Variants in ACACA observed in about 807,000 individuals in gnomAD.
The protein encoded by ACACA is acetyl-CoA carboxylase 1.
In ACACA, 103 loss-of-function variants were observed where a neutral mutation model predicts 296.1. That is an observed-to-expected ratio of 0.35 (90% confidence interval 0.30 to 0.41). The LOEUF is 0.41. Among genes scored for constraint, ACACA ranks in the 10% least tolerant of loss-of-function variants. ACACA has a pLI of 1.00. For synonymous variants in ACACA, 953 were observed against 1,038.6 expected, an observed-to-expected ratio of 0.92 and a Z score of 1.58; for missense variants, 1,554 against 2,989.7, an observed-to-expected ratio of 0.52 and a Z score of 11.20.
At chr17:37,313,860 C>A (rs1033320666) in intron 3 of ACACA, among the ~76,000 whole-genome samples, 1 of 151,888 alleles carries the variant, frequency 6.6e-6, no homozygotes, top group African/African-American at 2.4e-5. Context: ...TAGGTAAATG[C>A]AAAAAATAAA....
chr17:37,098,825 G>A (rs1224092746), intron 52 of ACACA, among the ~76,000 whole-genome samples: 1 of 152,212 alleles, frequency 6.6e-6, no homozygotes, highest in African/African-American at 2.4e-5. Context: ...TTATACCAAG[G>A]AGGGACCCCT....
At chr17:37,381,274 C>G (rs1236621884) in intron 1 of ACACA, among the ~76,000 whole-genome samples, 1 of 152,020 alleles carries the variant, frequency 6.6e-6, no homozygotes, top group Non-Finnish European at 1.5e-5. Context: ...CAACCTCCTC[C>G]TCCCAGGTTC....
intron 3 of ACACA, among the ~76,000 whole-genome samples, chr17:37,304,522 C>T (rs1052220127): frequency 7.2e-5 from 11 of 152,108 alleles, no homozygotes; most frequent in African/African-American, 2.4e-4. Context: ...GGGCCAGGCG[C>T]GGTGGCTCAT....
chr17:37,289,400 C>A, intron 3 of ACACA: 1 of 1,298,486 alleles, frequency 7.7e-7, no homozygotes, highest in South Asian at 1.2e-5. Context: ...GAGAATAAGG[C>A]TAAGGAAGTA....
intron 54 of ACACA, among the ~76,000 whole-genome samples, chr17:37,093,521 A>C (rs954616736): frequency 3.3e-5 from 5 of 152,170 alleles, no homozygotes; most frequent in African/African-American, 1.2e-4. Context: ...TTTTGGAGAC[A>C]GGGTCTCACT....
chr17:37,165,757 C>T (rs975543617), intron 41 of ACACA, among the ~76,000 whole-genome samples: 2 of 151,794 alleles, frequency 1.3e-5, no homozygotes, highest in African/African-American at 4.8e-5. Context: ...TCACTGCAAC[C>T]TTCAACTCCT....
intron 45 of ACACA, among the ~76,000 whole-genome samples, chr17:37,130,804 CCTGT>C (rs1273922547): frequency 6.6e-6 from 1 of 151,988 alleles, no homozygotes; most frequent in Non-Finnish European, 1.5e-5. Flanking sequence ...AGGTAACATG[CCTGT>C]CTTTCAACAA....
chr17:37,363,179 C>CTTTTTTTTTTT (rs902746004), intron 1 of ACACA, among the ~76,000 whole-genome samples: 15 of 72,840 alleles, frequency 2.1e-4, no homozygotes, highest in African/African-American at 6.7e-4. Context: ...TTCTCTTTTT[C>CTTTTTTTTTTT]TTTTTTTTTT....
chr17:37,157,137 A>G (rs2076282888), intron 42 of ACACA, among the ~76,000 whole-genome samples: 1 of 152,264 alleles, frequency 6.6e-6, no homozygotes, highest in Non-Finnish European at 1.5e-5. Context: ...AAGAGAAGGT[A>G]GACAGTCGAA....
intron 42 of ACACA, among the ~76,000 whole-genome samples, chr17:37,161,424 G>A (rs192738286): frequency 4.3e-4 from 65 of 152,288 alleles, no homozygotes; most frequent in Non-Finnish European, 7.4e-4. Context: ...AGAAGATGAG[G>A]AGGTAAGGGA....
chr17:37,263,957 G>A, intron 10 of ACACA, 63 bp from the exon 11 acceptor site: 2 of 1,362,326 alleles, frequency 1.5e-6, no homozygotes, highest in South Asian at 2.4e-5. Context: ...TATCTATCTT[G>A]ATAAGCTACT....
At chr17:37,354,365 T>G (rs1037884977) in intron 1 of ACACA, among the ~76,000 whole-genome samples, 1 of 152,308 alleles carries the variant, frequency 6.6e-6, no homozygotes, top group South Asian at 2.1e-4. Flanking sequence ...CACTTTTCAC[T>G]TGCCTCCTTA....
chr17:37,345,730 G>C (rs535254010), intron 1 of ACACA, among the ~76,000 whole-genome samples: 3 of 152,242 alleles, frequency 2.0e-5, no homozygotes, highest in East Asian at 3.9e-4. Context: ...GAAAATATCA[G>C]ACAAATTTGA....
intron 14 of ACACA, among the ~76,000 whole-genome samples, chr17:37,256,218 G>A (rs1164004256): frequency 6.6e-6 from 1 of 152,090 alleles, no homozygotes; most frequent in African/African-American, 2.4e-5. Flanking sequence ...TCTGTATGTT[G>A]AGACTCACCA....
intron 30 of ACACA, 27 bp downstream of exon 30, chr17:37,210,440 T>C: frequency 6.2e-7 from 1 of 1,606,274 alleles, no homozygotes; most frequent in South Asian, 1.1e-5. Flanking sequence ...GTGCTTTTAA[T>C]TGGAAAAGAA....
Position 37,280,358 on chromosome 17 carries a change from G to A in ACACA, c.611-2353C>T, listed in dbSNP as rs139755552. 8.5e-4 allele frequency among the ~76,000 whole-genome samples: 130 copies of A among 152,110 alleles called. 1 individual carries two copies. Among genetic ancestry groups the A allele is most frequent in the Admixed American group, 3.1e-3 (48 of 15,276 alleles). Reference sequence around the variant, plus strand: ...GGAGTAGCTGAGACTACCGGCATGCGCCTCTATGCCCAGCTAATTTTTGCA... The same window carrying A: ...GGAGTAGCTGAGACTACCGGCATGCACCTCTATGCCCAGCTAATTTTTGCA... On this transcript the variant is annotated intron_variant, in intron 5 of 55. Transcript: ENST00000616317.
chr17:37,385,722 T>C (rs1185982681), intron 1 of ACACA, among the ~76,000 whole-genome samples: 1 of 152,174 alleles, frequency 6.6e-6, no homozygotes, highest in Non-Finnish European at 1.5e-5. Flanking sequence ...TTATTATTAT[T>C]ATGGCCTAAA....
chr17:37,109,048 T>G (rs1257520996), intron 52 of ACACA, among the ~76,000 whole-genome samples: 8 of 152,172 alleles, frequency 5.3e-5, no homozygotes, highest in African/African-American at 1.9e-4. Flanking sequence ...GTCTGAAAAA[T>G]GAGACCATTT....
At chr17:37,304,662 G>A (rs973484070) in intron 3 of ACACA, among the ~76,000 whole-genome samples, 18 of 151,946 alleles carry the variant, frequency 1.2e-4, no homozygotes, top group Non-Finnish European at 4.4e-5. Flanking sequence ...GCGTGGTGGT[G>A]CACGCCTGTA....
Sources: allele counts gnomAD v4.1 joint callset (sites outside exome capture counted in the v4.1 genomes callset), GRCh38; gene constraint gnomAD v4.1.1; transcripts MANE v1.5; gene names NCBI Gene and HGNC (gene_info 2026-07-23, HGNC 2026-07-21).